Variants in KCNT1 observed in about 807,000 individuals in gnomAD.
KCNT1 encodes potassium channel subfamily T member 1.
KCNT1 carries 78 observed loss-of-function variants against 147.8 expected under a neutral mutation model. The observed-to-expected ratio is 0.53, with a 90% CI of 0.44 to 0.64. The LOEUF is 0.64. KCNT1 is among the 30% of genes least tolerant of loss of function. The probability of loss-of-function intolerance (pLI) is 0.00; values close to 1 mark genes in which losing one functional copy is unlikely to be tolerated. For synonymous variants in KCNT1, 867 were observed against 748.8 expected (o/e 1.16, Z -2.58); for missense variants, 1,419 against 1,750.3 (o/e 0.81, Z 3.38).
chr9:135,770,433 C>T lies in KCNT1; in HGVS notation c.1755C>T (p.Phe585=). 2 of 1,611,818 alleles carry T rather than the reference C, an allele frequency of 1.2e-6. No individual in the cohort carries two copies. The highest frequency in any genetic ancestry group is 1.1e-5 in the South Asian group (1 of 90,818). The change falls in exon 17 of 31, where the codon TTC becomes TTT. Residue 585 remains phenylalanine (F), a synonymous_variant. Coordinates refer to ENST00000371757, the MANE Select transcript of KCNT1 (RefSeq NM_020822.3). ...GCAAGAGCTTCACCTACGCGGCCTT[C>T]CACGCCCACAAGAAGTAAGGCCGGG... The part of the protein sequence containing the change: ...YEGKSFTYAA[F]HAHKKYGVCL...
intron 28 of KCNT1, 21 bp downstream of exon 28, chr9:135,785,351 C>T: frequency 1.2e-6 from 2 of 1,612,948 alleles, no homozygotes; most frequent in Non-Finnish European, 1.7e-6. Flanking sequence ...CCTCCGTGCC[C>T]ACGCAGCTTC....
At chr9:135,717,171 T>C (rs1175904126) in intron 2 of KCNT1, among the ~76,000 whole-genome samples, 1 of 146,272 alleles carries the variant, frequency 6.8e-6, no homozygotes, top group Non-Finnish European at 1.5e-5. Context: ...CCTGGCCCTG[T>C]GGTGTTGGTG....
At chr9:135,774,304 TCTGTGTG>T (rs1241451202) in intron 19 of KCNT1, among the ~76,000 whole-genome samples, 2 of 145,730 alleles carry the variant, frequency 1.4e-5, no homozygotes, top group African/African-American at 2.6e-5. Context: ...GGTGTGTGTG[TCTGTGTG>T]CTGTGTGTTG....
At chr9:135,724,177 C>G (rs1267816407) in intron 2 of KCNT1, among the ~76,000 whole-genome samples, 1 of 152,238 alleles carries the variant, frequency 6.6e-6, no homozygotes, top group African/African-American at 2.4e-5. Flanking sequence ...CAGTCCAGGC[C>G]AGCCTCAGGG....
chr9:135,764,635 C>T (rs1221199113), intron 11 of KCNT1, among the ~76,000 whole-genome samples: 5 of 152,276 alleles, frequency 3.3e-5, no homozygotes, highest in African/African-American at 1.2e-4. Context: ...AAACCACCTG[C>T]CCCCCAGACA....
chr9:135,774,414 GTGTGTC>G (rs1276868437), intron 19 of KCNT1, among the ~76,000 whole-genome samples: 4 of 143,008 alleles, frequency 2.8e-5, no homozygotes, highest in Admixed American at 1.4e-4. Context: ...TGTGTGTGGT[GTGTGTC>G]TGTGTGTTGT....
intron 2 of KCNT1, among the ~76,000 whole-genome samples, chr9:135,720,296 G>A (rs2131339814): frequency 6.6e-6 from 1 of 152,130 alleles, no homozygotes; most frequent in South Asian, 2.1e-4. Flanking sequence ...AGGCCTCCAA[G>A]CAGAAGGGGT....
At chr9:135,751,081 C>T (rs370870976) in intron 4 of KCNT1, 40 bp downstream of exon 4, 2 of 1,565,790 alleles carry the variant, frequency 1.3e-6, no homozygotes, top group African/African-American at 1.3e-5. Flanking sequence ...TCCCGGGTCC[C>T]AGGGCTGAGC....
intron 10 of KCNT1, among the ~76,000 whole-genome samples, chr9:135,759,081 CT>C (rs966591120): frequency 6.6e-6 from 1 of 151,036 alleles, no homozygotes; most frequent in African/African-American, 2.5e-5. Flanking sequence ...CCCTTCCCCC[CT>C]GCCCCTCATG....
rs947972777 is a variant in KCNT1 at position 135,741,299 on chromosome 9, C to A, written c.255-8799C>A. On this transcript the variant is annotated intron_variant, in intron 2 of 30. Transcript: ENST00000371757. ...CAGGGAGCACCTGGGAGAGAGGACA[C>A]AGTGGGCCCCAGCAGGGAGGAGCCC... 5.9e-5 allele frequency among the ~76,000 whole-genome samples: 9 copies of A among 152,222 alleles called. No homozygotes were observed. The South Asian group carries it at 1.9e-3, about 31-fold the overall frequency.
In KCNT1 at chr9:135,714,405, GCGCCCCCGC is replaced by G. The variant is rs1243791824; in HGVS notation, c.111-170_111-162del. 2 of 176,830 alleles carry G rather than the reference GCGCCCCCGC, an allele frequency of 1.1e-5. No homozygotes were observed. The highest frequency in any genetic ancestry group is 6.7e-5 in the Admixed American group (1 of 14,922). The allele number at this position is 176,830 out of a possible 1,614,324, so 11.0% of individuals were successfully genotyped here. On this transcript the variant is annotated intron_variant, in intron 1 of 30. Coordinates refer to ENST00000371757, the MANE Select transcript of KCNT1 (RefSeq NM_020822.3). The surrounding 1 kb of genome is among the most constrained non-coding windows in gnomAD (Gnocchi z 6.2). ...CCCAGCCCGGCGCAGCCGGTCCCGC[GCGCCCCCGC>G]CCGCATGTGCCGCCAGGCCCGCCCC...
chr9:135,775,300 C>T lies in KCNT1; in HGVS notation c.2244-10C>T, dbSNP rs758069398. ...GCAGCTGTGCTGAGGGCTCCTGTCT[C>T]CTGCCCCAGGTATGTGAAGGGCTAC... On this transcript the variant is annotated splice_polypyrimidine_tract_variant and intron_variant, in intron 19 of 30. Coordinates refer to ENST00000371757, the MANE Select transcript of KCNT1 (RefSeq NM_020822.3). 3.1e-6 allele frequency: 5 copies of T among 1,600,436 alleles called. No individual in the cohort carries two copies. In the Admixed American group the frequency reaches 5.1e-5, roughly 16 times the overall value.
At chr9:135,774,118 TGTG>T (rs780244440) in intron 19 of KCNT1, among the ~76,000 whole-genome samples, 115 of 151,288 alleles carry the variant, frequency 7.6e-4, no homozygotes, top group Middle Eastern at 3.4e-3. Context: ...GTTTGTCACG[TGTG>T]GTGTGTGTTG....
Position 135,721,900 on chromosome 9 carries a change from TG to T in KCNT1, c.254+7181del, listed in dbSNP as rs1835938491. 3.3e-5 allele frequency among the ~76,000 whole-genome samples: 5 copies of T among 152,288 alleles called. No homozygotes were observed. In the South Asian group the frequency reaches 1.0e-3, roughly 32 times the overall value. ...GGGCCTGAGTCAGGGTGGGGGAAGGTGACGCCTCTGCTGTGGAGACTGTGGC... is the reference window on the plus strand; with the variant it reads ...GGGCCTGAGTCAGGGTGGGGGAAGGTACGCCTCTGCTGTGGAGACTGTGGC... On this transcript the variant is annotated intron_variant, in intron 2 of 30. Coordinates refer to ENST00000371757, the MANE Select transcript of KCNT1 (RefSeq NM_020822.3).
At chr9:135,778,598 AGGTCCTCCTGCCTTCTGACCAAATCCCGG>A in intron 22 of KCNT1, 61 bp from the exon 23 acceptor site, 1 of 1,601,846 alleles carries the variant, frequency 6.2e-7, no homozygotes, top group South Asian at 1.1e-5. Flanking sequence ...TGGGGGGCTG[AGGTCCTCCTGCCTTCTGACCAAATCCCGG>A]GGTCCTGTGG....
intron 29 of KCNT1, chr9:135,788,028 C>A (rs909357027): frequency 4.0e-5 from 49 of 1,215,082 alleles, no homozygotes; most frequent in Non-Finnish European, 5.5e-5. Flanking sequence ...CTGTGCCGGC[C>A]GCCCGCACCT....
At chr9:135,713,333 C>G (rs1835580951) in intron 1 of KCNT1, among the ~76,000 whole-genome samples, 1 of 152,362 alleles carries the variant, frequency 6.6e-6, no homozygotes, top group African/African-American at 2.4e-5. Flanking sequence ...CTGCCAGATC[C>G]TGGGGGTTGA....
intron 2 of KCNT1, among the ~76,000 whole-genome samples, chr9:135,747,750 G>A (rs945373182): frequency 1.3e-5 from 2 of 152,072 alleles, no homozygotes; most frequent in Non-Finnish European, 2.9e-5. Flanking sequence ...CCCCCCATTA[G>A]CACTGGTTCA....
Position 135,752,383 on chromosome 9 carries a change from G to A in KCNT1, c.434+1342G>A. ...GAACCTCCTGTCTTTGTCTAGGTCA[G>A]AAGAGGGCAGAACCCACTAGGAGAG... On this transcript the variant is annotated intron_variant, in intron 4 of 30. Coordinates refer to ENST00000371757, the MANE Select transcript of KCNT1 (RefSeq NM_020822.3). This position sits in a 1 kb window ranked among gnomAD's most constrained non-coding sequence, Gnocchi z 5.1. The A allele has an allele frequency of 2.2e-6, 1 of 456,552 alleles. No individual in the cohort carries two copies. The highest frequency in any genetic ancestry group is 4.4e-6 in the Non-Finnish European group (1 of 226,936). 28.3% of individuals were successfully genotyped at this position (456,552 alleles called of 1,614,324 possible). A position where few individuals can be genotyped will look rare whatever the true frequency, so the allele number is the denominator to read the frequency against.
Sources: allele counts gnomAD v4.1 joint callset (sites outside exome capture counted in the v4.1 genomes callset), GRCh38; gene constraint gnomAD v4.1.1; non-coding constraint Gnocchi (gnomAD v3.1); transcripts MANE v1.5; gene names NCBI Gene and HGNC (gene_info 2026-07-23, HGNC 2026-07-21).